The following OR1J2 variants were observed in gnomAD, a reference collection of about 807,000 sequenced individuals.
The protein encoded by OR1J2 is olfactory receptor family 1 subfamily J member 2.
For synonymous variants in OR1J2, 142 were observed against 99.7 expected (o/e 1.42, Z -2.52); for missense variants, 304 against 246.1 (o/e 1.24, Z -1.57).
At chr9:122,548,764 C>A in the OR1J2 span, among the ~76,000 whole-genome samples, 2 of 112,550 alleles carry the variant, frequency 1.8e-5, no homozygotes, top group African/African-American at 7.0e-5. Context: ...CCCCACCCCA[C>A]AACAGGCCCC....
the OR1J2 span, among the ~76,000 whole-genome samples, chr9:122,571,051 T>C: frequency 6.6e-6 from 1 of 152,198 alleles, no homozygotes; most frequent in East Asian, 1.9e-4. Flanking sequence ...CAATCGTGCA[T>C]TGGTGCTATG....
At chr9:122,563,445 T>TA in the OR1J2 span, among the ~76,000 whole-genome samples, 1 of 152,044 alleles carries the variant, frequency 6.6e-6, no homozygotes, top group African/African-American at 2.4e-5. Flanking sequence ...TCTCCATTTT[T>TA]AAAATCATTT....
the OR1J2 span, among the ~76,000 whole-genome samples, chr9:122,502,065 C>G: frequency 5.9e-5 from 9 of 152,218 alleles, no homozygotes; most frequent in Admixed American, 6.5e-5. Flanking sequence ...AACAAATTCT[C>G]CAGCACTTCT....
chr9:122,553,584 C>T, the OR1J2 span: 2,954 of 1,614,008 alleles, frequency 1.8e-3, 44 homozygotes, highest in African/African-American at 0.034. Context: ...GGCATATGAC[C>T]GCTATGTGGC....
the OR1J2 span, among the ~76,000 whole-genome samples, chr9:122,473,042 A>G: frequency 6.6e-6 from 1 of 152,138 alleles, no homozygotes; most frequent in Non-Finnish European, 1.5e-5. Flanking sequence ...CCCTTTCCTT[A>G]TTTCTAATTC....
chr9:122,557,143 GATTTTCTGT>G, the OR1J2 span, among the ~76,000 whole-genome samples: 3 of 151,874 alleles, frequency 2.0e-5, no homozygotes, highest in African/African-American at 7.3e-5. Context: ...GGATATTTTG[GATTTTCTGT>G]AAAAATCATG....
the OR1J2 span, among the ~76,000 whole-genome samples, chr9:122,574,285 C>T: frequency 2.3e-3 from 343 of 152,188 alleles, 3 homozygotes; most frequent in African/African-American, 7.7e-3. Flanking sequence ...AATTTATACA[C>T]CGAATTCAGG....
chr9:122,463,912 A>T, the OR1J2 span, among the ~76,000 whole-genome samples: 1 of 152,120 alleles, frequency 6.6e-6, no homozygotes, highest in Non-Finnish European at 1.5e-5. Flanking sequence ...TCCAGCCAGG[A>T]GGTGGCGCTT....
chr9:122,494,863 T>C, the OR1J2 span, among the ~76,000 whole-genome samples: 581 of 152,350 alleles, frequency 3.8e-3, 1 homozygote, highest in Admixed American at 0.011. Flanking sequence ...TTAACAGATC[T>C]TGTAGTACTG....
At chr9:122,550,803 G>C in the OR1J2 span, among the ~76,000 whole-genome samples, 130 of 151,824 alleles carry the variant, frequency 8.6e-4, no homozygotes, top group African/African-American at 2.9e-3. Context: ...ATACTGAATG[G>C]GGGAAAGCTG....
chr9:122,542,163 G>A, the OR1J2 span, among the ~76,000 whole-genome samples: 2 of 152,092 alleles, frequency 1.3e-5, no homozygotes, highest in East Asian at 1.9e-4. Flanking sequence ...TATACCAGAA[G>A]TTTGTTCTTT....
the OR1J2 span, among the ~76,000 whole-genome samples, chr9:122,578,694 A>G: frequency 2.0e-5 from 3 of 152,112 alleles, no homozygotes; most frequent in Non-Finnish European, 2.9e-5. Context: ...AAGTAAAGTA[A>G]AGTAACTCAG....
At chr9:122,496,178 G>C in the OR1J2 span, among the ~76,000 whole-genome samples, 1 of 152,292 alleles carries the variant, frequency 6.6e-6, no homozygotes, top group Admixed American at 6.5e-5. Context: ...CCAGCAAGTA[G>C]GTGGTGCTTT....
At chr9:122,471,404 A>G in the OR1J2 span, 2 of 152,226 alleles carry the variant, frequency 1.3e-5, no homozygotes, top group African/African-American at 4.8e-5. Flanking sequence ...CCCCTCAGCC[A>G]TGTGGAATTG....
At chr9:122,507,226 C>T (rs185925697), upstream of OR1J2, among the ~76,000 whole-genome samples, 1 of 152,188 alleles carries the variant, frequency 6.6e-6, no homozygotes, top group Non-Finnish European at 1.5e-5. Context: ...TCAGATAAGT[C>T]GTGACCTTTG....
the OR1J2 span, among the ~76,000 whole-genome samples, chr9:122,540,809 C>T: frequency 9.3e-3 from 1,421 of 152,160 alleles, 21 homozygotes; most frequent in African/African-American, 0.032. Context: ...TGGTTTGTAG[C>T]TCTCCTTGAA....
At chr9:122,486,454 G>A in the OR1J2 span, among the ~76,000 whole-genome samples, 2,829 of 152,268 alleles carry the variant, frequency 0.019, 91 homozygotes, top group African/African-American at 0.064. Context: ...AATATTTGCT[G>A]CCTGAGAGCA....
chr9:122,567,932 G>A, the OR1J2 span: 2 of 1,614,200 alleles, frequency 1.2e-6, no homozygotes, highest in East Asian at 4.5e-5. Context: ...GCACAGGGCT[G>A]AGGTCACAGA....
chr9:122,526,895 G>A, the OR1J2 span: 1 of 1,614,206 alleles, frequency 6.2e-7, no homozygotes, highest in African/African-American at 1.3e-5. Context: ...GGGGCCTCAT[G>A]ACTGTGGAGT....
Sources: allele counts gnomAD v4.1 joint callset (sites outside exome capture counted in the v4.1 genomes callset), GRCh38; gene constraint gnomAD v4.1.1; transcripts MANE v1.5; gene names NCBI Gene and HGNC (gene_info 2026-07-23, HGNC 2026-07-21).